GRIN3A: variants seen among roughly 807,000 people sequenced by gnomAD.
GRIN3A encodes glutamate receptor ionotropic, NMDA 3A.
A neutral mutation model predicts 92.4 loss-of-function variants in GRIN3A; 47 were observed. That is an observed-to-expected ratio of 0.51 (90% CI 0.40 to 0.65). GRIN3A has a LOEUF of 0.65. Ranked by LOEUF, GRIN3A falls within the 30% of genes least tolerant of loss-of-function variation. The pLI, the probability that GRIN3A is intolerant of heterozygous loss-of-function variation, is 0.00. For synonymous variants in GRIN3A, 527 were observed against 540.6 expected, an observed-to-expected ratio of 0.97 and a Z score of 0.35; for missense variants, 1,324 against 1,393.1, an observed-to-expected ratio of 0.95 and a Z score of 0.79.
At chr9:101,595,798 A>G (rs919403314) in intron 6 of GRIN3A, among the ~76,000 whole-genome samples, 6 of 152,156 alleles carry the variant, frequency 3.9e-5, no homozygotes, top group African/African-American at 1.4e-4. Context: ...CCCGAGTCAC[A>G]TCTTTGTTGT....
intron 6 of GRIN3A, among the ~76,000 whole-genome samples, chr9:101,605,185 A>G (rs1242882184): frequency 6.6e-6 from 1 of 152,174 alleles, no homozygotes; most frequent in African/African-American, 2.4e-5. Flanking sequence ...CCTTTATTTT[A>G]AGGCAAAGAA....
chr9:101,639,395 C>G (rs1205899964), intron 3 of GRIN3A, among the ~76,000 whole-genome samples: 2 of 151,968 alleles, frequency 1.3e-5, no homozygotes, highest in Non-Finnish European at 2.9e-5. Flanking sequence ...ATAACCCCGG[C>G]TTTTTGTTTA....
intron 3 of GRIN3A, 50 bp downstream of exon 3, chr9:101,670,010 A>G (rs1829295458): frequency 7.6e-7 from 1 of 1,320,846 alleles, no homozygotes; most frequent in African/African-American, 1.4e-5. Context: ...GATACAACAT[A>G]CGGAATTATA....
At chr9:101,583,797 A>C (rs1476764533) in intron 6 of GRIN3A, among the ~76,000 whole-genome samples, 1 of 152,164 alleles carries the variant, frequency 6.6e-6, no homozygotes, top group Non-Finnish European at 1.5e-5. Flanking sequence ...TTGCTAGCTC[A>C]TAGCCACACA....
Position 101,721,057 on chromosome 9 carries a change from T to C in GRIN3A, c.699+16224A>G, listed in dbSNP as rs1167801738. ...GTACCTATATCTCAACAGAATGCCA[T>C]GAATTGGAAAGAGTACATGATATGG... is the stretch of plus-strand genomic sequence containing the variant. On this transcript the variant is annotated intron_variant, in intron 1 of 8. Coordinates refer to ENST00000361820, the MANE Select transcript of GRIN3A (RefSeq NM_133445.3). 2.6e-5 allele frequency among the ~76,000 whole-genome samples: 4 copies of C among 152,222 alleles called. No individual in the cohort carries two copies. The East Asian group carries it at 7.7e-4, about 29-fold the overall frequency.
chr9:101,573,274 T>C lies in GRIN3A; in HGVS notation c.3248A>G (p.Glu1083Gly), dbSNP rs1449908197. The change falls in exon 9 of 9, where the codon GAG becomes GGG. Residue 1083 changes from glutamate (E) to glycine (G), a missense_variant. Physicochemically the swap from Glu to Gly is moderately conservative, Grantham distance 98 (BLOSUM62 -2). Transcript: ENST00000361820. ...NSVMQELSEL[E>G]KQIQVIRQEL... ...CTGACGGATCACCTGAATCTGCTTC[T>C]CGAGCTCTGAGAGTTCCTGCATCAC... is the stretch of plus-strand genomic sequence containing the variant. 2 of 1,614,044 alleles carry C rather than the reference T, an allele frequency of 1.2e-6. No homozygotes were observed. The highest frequency in any genetic ancestry group is 1.7e-5 in the Admixed American group (1 of 60,000).
Position 101,738,373 on chromosome 9 carries a change from A to C in GRIN3A, c.-394T>G. 3.7e-6 allele frequency: 1 copy of C among 267,746 alleles called. No individual in the cohort carries two copies. 16.6% of individuals were successfully genotyped at this position (267,746 alleles called of 1,614,324 possible). On this transcript the variant is annotated 5_prime_UTR_variant, in exon 1 of 9. Coordinates refer to ENST00000361820, the MANE Select transcript of GRIN3A (RefSeq NM_133445.3). ...CCGGAGTTCCTCGGGGGCAGCAGTG[A>C]CAGAGGAGCGACGCGCTCTCGCCTG...
chr9:101,713,237 GT>G (rs1588294377), intron 1 of GRIN3A, among the ~76,000 whole-genome samples: 1 of 152,194 alleles, frequency 6.6e-6, no homozygotes, highest in Non-Finnish European at 1.5e-5. Flanking sequence ...AGAAGAACGT[GT>G]TTGGGAGAGG....
intron 6 of GRIN3A, among the ~76,000 whole-genome samples, chr9:101,606,531 G>C (rs1225342310): frequency 6.6e-6 from 1 of 151,756 alleles, no homozygotes. Flanking sequence ...TGTGGTAATG[G>C]CTCCCTCACT....
At chr9:101,698,894 T>C (rs1829718693) in intron 1 of GRIN3A, among the ~76,000 whole-genome samples, 1 of 152,076 alleles carries the variant, frequency 6.6e-6, no homozygotes, top group Non-Finnish European at 1.5e-5. Context: ...GGTCTCAATC[T>C]CCCGACCTCA....
intron 3 of GRIN3A, among the ~76,000 whole-genome samples, chr9:101,667,487 G>T (rs767129498): frequency 6.6e-6 from 1 of 151,904 alleles, no homozygotes; most frequent in Non-Finnish European, 1.5e-5. Flanking sequence ...AAACTTTGGC[G>T]TATTTGTAAC....
At chr9:101,713,411 C>T (rs1829906116) in intron 1 of GRIN3A, among the ~76,000 whole-genome samples, 2 of 152,166 alleles carry the variant, frequency 1.3e-5, no homozygotes, top group Non-Finnish European at 2.9e-5. Flanking sequence ...AAATTTGTTA[C>T]ATACACAAGC....
intron 3 of GRIN3A, among the ~76,000 whole-genome samples, chr9:101,668,366 A>AT (rs71906525): frequency 2.4e-3 from 363 of 148,578 alleles, no homozygotes; most frequent in Middle Eastern, 3.4e-3. Flanking sequence ...CATATATTAG[A>AT]TTTTTTTTTT....
At chr9:101,717,826 C>A (rs185148323) in intron 1 of GRIN3A, among the ~76,000 whole-genome samples, 12 of 152,254 alleles carry the variant, frequency 7.9e-5, no homozygotes, top group Admixed American at 5.9e-4. Flanking sequence ...TGGTCTGTGG[C>A]AAATTGGAAA....
chr9:101,589,550 A>G (rs943561183), intron 6 of GRIN3A, among the ~76,000 whole-genome samples: 1 of 152,056 alleles, frequency 6.6e-6, no homozygotes, highest in Non-Finnish European at 1.5e-5. Flanking sequence ...TGTTTTACCT[A>G]TCTCCTTTTG....
chr9:101,675,100 G>T (rs1278728101), intron 2 of GRIN3A, among the ~76,000 whole-genome samples: 3 of 151,982 alleles, frequency 2.0e-5, no homozygotes, highest in Non-Finnish European at 2.9e-5. Flanking sequence ...GGTTTGATAA[G>T]GGCGTGGATC....
At chr9:101,621,689 G>A (rs558401009) in intron 5 of GRIN3A, among the ~76,000 whole-genome samples, 8 of 152,286 alleles carry the variant, frequency 5.3e-5, no homozygotes, top group African/African-American at 1.9e-4. Flanking sequence ...GGAGTTAATT[G>A]CGTGGCATCT....
chr9:101,712,332 T>C (rs1177985191), intron 1 of GRIN3A, among the ~76,000 whole-genome samples: 1 of 152,212 alleles, frequency 6.6e-6, no homozygotes, highest in African/African-American at 2.4e-5. Flanking sequence ...TCTTAATGAC[T>C]ATCACCCAGA....
chr9:101,595,098 G>A, intron 6 of GRIN3A: 1 of 656,522 alleles, frequency 1.5e-6, no homozygotes, highest in Non-Finnish European at 2.6e-6. Flanking sequence ...GGTCAGAGAG[G>A]GAGCGGAGAG....
Sources: allele counts gnomAD v4.1 joint callset (sites outside exome capture counted in the v4.1 genomes callset), GRCh38; gene constraint gnomAD v4.1.1; transcripts MANE v1.5; gene names NCBI Gene and HGNC (gene_info 2026-07-23, HGNC 2026-07-21).